CNTN1: variants seen among roughly 807,000 people sequenced by gnomAD.
CNTN1 encodes the protein contactin-1.
A neutral mutation model predicts 126.4 loss-of-function variants in CNTN1; 38 were observed. That is an observed-to-expected ratio of 0.30 (90% confidence interval 0.23 to 0.39). The LOEUF (loss-of-function observed/expected upper bound fraction) is 0.39, where lower values mean the gene tolerates loss of function less well. Among genes scored for constraint, CNTN1 ranks in the 10% least tolerant of loss-of-function variants. The probability of loss-of-function intolerance (pLI) is 1.00; values close to 1 mark genes in which losing one functional copy is unlikely to be tolerated. For missense variants in CNTN1, 1,009 were observed against 1,248.4 expected, an observed-to-expected ratio of 0.81 and a Z score of 2.89; for synonymous variants, 413 against 422.6, an observed-to-expected ratio of 0.98 and a Z score of 0.28.
At chr12:40,791,227 C>T (rs1251188337) in intron 1 of CNTN1, among the ~76,000 whole-genome samples, 2 of 152,084 alleles carry the variant, frequency 1.3e-5, no homozygotes, top group Non-Finnish European at 1.5e-5. Context: ...TCACTTTTAA[C>T]ATGGCATTAG....
chr12:40,796,798 C>T (rs1940450037), intron 1 of CNTN1, among the ~76,000 whole-genome samples: 1 of 152,008 alleles, frequency 6.6e-6, no homozygotes, highest in Non-Finnish European at 1.5e-5. Flanking sequence ...GGTAACACCA[C>T]ATAGACCAAA....
chr12:40,788,133 C>G (rs904294803), intron 1 of CNTN1, among the ~76,000 whole-genome samples: 4 of 152,174 alleles, frequency 2.6e-5, no homozygotes, highest in African/African-American at 7.2e-5. Flanking sequence ...CTCCTCCCAT[C>G]GTCCAAGATT....
In CNTN1 at chr12:41,027,871, C is replaced by CCAAGG; in HGVS notation, c.2726_2730dup (p.Ile911GlnfsTer7). 2 of 1,612,778 alleles carry CCAAGG rather than the reference C, an allele frequency of 1.2e-6. No homozygotes were observed. The highest frequency in any genetic ancestry group is 1.7e-6 in the Non-Finnish European group (2 of 1,178,896). On this transcript the variant is annotated frameshift_variant, in exon 22 of 24. Transcript: ENST00000551295. LOFTEE classifies it high-confidence loss of function. ...ACTTTTCACAGCTCCTAGCCAGCCT[C>CCAAGG]CAAGGATCATCAGTTCAGTAAGGTC... is the stretch of plus-strand genomic sequence containing the variant.
intron 1 of CNTN1, among the ~76,000 whole-genome samples, chr12:40,850,354 T>C (rs1046889470): frequency 2.6e-5 from 4 of 152,208 alleles, no homozygotes; most frequent in African/African-American, 9.6e-5. Flanking sequence ...TTTTCAGATA[T>C]GAATTTGAAT....
At chr12:40,718,454 C>T (rs182910346) in intron 1 of CNTN1, among the ~76,000 whole-genome samples, 4 of 152,292 alleles carry the variant, frequency 2.6e-5, no homozygotes, top group African/African-American at 4.8e-5. Context: ...GCTGGGATTA[C>T]AGGCGTGAGC....
At chr12:40,949,425 C>T (rs1324277166) in intron 14 of CNTN1, among the ~76,000 whole-genome samples, 2 of 139,976 alleles carry the variant, frequency 1.4e-5, no homozygotes, top group South Asian at 2.4e-4. Context: ...CCTACCCCCC[C>T]TCCCCCCACC....
At position 40,951,608 on chromosome 12, in the gene CNTN1, C is replaced by T. The variant is rs558938189; in HGVS notation, c.1683+7438C>T. Among the ~76,000 whole-genome samples the T allele has an allele frequency of 1.0e-4, 15 of 148,188 alleles. No homozygotes were observed. The East Asian group carries it at 3.0e-3, about 30-fold the overall frequency. ...CCTGTAATCCCAGCTACTCGAGAGGCTGAGGCATGAGAATCATTTGAACCC... is the reference window on the plus strand; with the variant it reads ...CCTGTAATCCCAGCTACTCGAGAGGTTGAGGCATGAGAATCATTTGAACCC... On this transcript the variant is annotated intron_variant, in intron 14 of 23. Coordinates refer to ENST00000551295, the MANE Select transcript of CNTN1 (RefSeq NM_001843.4).
chr12:41,020,334 C>T lies in CNTN1; in HGVS notation c.2420-3C>T. On this transcript the variant is annotated splice_region_variant and splice_polypyrimidine_tract_variant and intron_variant, in intron 19 of 23. Transcript: ENST00000551295. ...ATAATATAATGTTCTCATAAAATTT[C>T]AGCTCCCAGTGAAGCCCCAACAGAA... 2 of 1,593,656 alleles carry T rather than the reference C, an allele frequency of 1.3e-6. No individual in the cohort carries two copies. The highest frequency in any genetic ancestry group is 2.2e-5 in the South Asian group (2 of 89,580).
chr12:40,972,745 C>G, intron 15 of CNTN1: 1 of 737,368 alleles, frequency 1.4e-6, no homozygotes. Context: ...TGTTTAAAAT[C>G]AATTTGAGAA....
chr12:41,019,276 C>G (rs748378266), intron 19 of CNTN1, among the ~76,000 whole-genome samples: 10 of 152,216 alleles, frequency 6.6e-5, no homozygotes, highest in Non-Finnish European at 1.5e-4. Context: ...TACCTTCTCA[C>G]CTTTTTACTG....
At chr12:40,833,220 G>A (rs149631561) in intron 1 of CNTN1, among the ~76,000 whole-genome samples, 45 of 152,118 alleles carry the variant, frequency 3.0e-4, no homozygotes, top group Admixed American at 1.8e-3. Flanking sequence ...TCGGCCTCCC[G>A]AGTAGCTGGG....
At chr12:40,905,113 C>T (rs1453678427) in intron 1 of CNTN1, among the ~76,000 whole-genome samples, 2 of 152,234 alleles carry the variant, frequency 1.3e-5, no homozygotes, top group African/African-American at 2.4e-5. Context: ...CTAACTTTCC[C>T]TGTACACATT....
At chr12:40,849,183 G>T (rs12831625) in intron 1 of CNTN1, among the ~76,000 whole-genome samples, 8,278 of 152,116 alleles carry the variant, frequency 0.054, 249 homozygotes, top group Middle Eastern at 0.11. Flanking sequence ...TTCACCAATT[G>T]TCAAACTGCT....
chr12:40,846,549 T>C (rs972798405), intron 1 of CNTN1, among the ~76,000 whole-genome samples: 1 of 152,192 alleles, frequency 6.6e-6, no homozygotes, highest in African/African-American at 2.4e-5. Context: ...CACATAGCAG[T>C]AGAAAAGCTT....
At chr12:40,806,131 C>G (rs775757220) in intron 1 of CNTN1, among the ~76,000 whole-genome samples, 1 of 152,044 alleles carries the variant, frequency 6.6e-6, no homozygotes, top group Non-Finnish European at 1.5e-5. Context: ...ATAACAGGCT[C>G]TCTATTCTGC....
chr12:41,067,056 C>T (rs1424833564), intron 23 of CNTN1, among the ~76,000 whole-genome samples: 2 of 151,968 alleles, frequency 1.3e-5, no homozygotes, highest in Non-Finnish European at 2.9e-5. Context: ...TTGTTAGATT[C>T]AAAACCAATA....
At chr12:40,910,241 G>A in intron 3 of CNTN1, 136 bp downstream of exon 3, 1 of 655,602 alleles carries the variant, frequency 1.5e-6, no homozygotes, top group East Asian at 2.7e-5. Flanking sequence ...TTTGTAAGGT[G>A]GTCTTTCTGA....
intron 1 of CNTN1, among the ~76,000 whole-genome samples, chr12:40,755,631 G>A (rs756722195): frequency 8.6e-5 from 13 of 151,988 alleles, no homozygotes; most frequent in Non-Finnish European, 1.3e-4. Context: ...GATACCTTGA[G>A]CCTAGGAGTT....
chr12:40,845,591 T>A (rs56097045), intron 1 of CNTN1, among the ~76,000 whole-genome samples: 21 of 151,944 alleles, frequency 1.4e-4, no homozygotes, highest in Non-Finnish European at 2.6e-4. Flanking sequence ...AGCCTCAAGA[T>A]GGGGCTAGTC....
Sources: gnomAD v4.1 joint callset for allele counts (sites outside exome capture counted in the v4.1 genomes callset) on GRCh38, gnomAD v4.1.1 for gene constraint, MANE v1.5 for transcripts, NCBI Gene and HGNC (gene_info 2026-07-23, HGNC 2026-07-21) for gene names.